TANC1: variants seen among roughly 807,000 people sequenced by gnomAD.
TANC1 encodes tetratricopeptide repeat, ankyrin repeat and coiled-coil containing 1.
In TANC1, 77 loss-of-function variants were observed where a neutral mutation model predicts 149.7. The observed-to-expected ratio is 0.51, with a 90% CI of 0.43 to 0.62. TANC1 has a LOEUF of 0.62. Among genes scored for constraint, TANC1 ranks in the 20% least tolerant of loss-of-function variants. The probability of loss-of-function intolerance (pLI) is 0.00; values close to 1 mark genes in which losing one functional copy is unlikely to be tolerated. For synonymous variants in TANC1, 854 were observed against 925.0 expected, an observed-to-expected ratio of 0.92 and a Z score of 1.39; for missense variants, 1,985 against 2,321.8, an observed-to-expected ratio of 0.85 and a Z score of 2.98.
chr2:159,037,774 G>A (rs2040315259), intron 2 of TANC1, among the ~76,000 whole-genome samples: 1 of 152,210 alleles, frequency 6.6e-6, no homozygotes, highest in African/African-American at 2.4e-5. Flanking sequence ...AGTATAGTTT[G>A]AAGTCGGGTA....
intron 16 of TANC1, among the ~76,000 whole-genome samples, chr2:159,192,124 A>T (rs894841970): frequency 6.6e-6 from 1 of 152,148 alleles, no homozygotes; most frequent in African/African-American, 2.4e-5. Flanking sequence ...ATCCAGGGAG[A>T]TTACTAAGTG....
At chr2:159,004,058 T>C (rs926188022) in intron 2 of TANC1, 2 of 1,612,154 alleles carry the variant, frequency 1.2e-6, no homozygotes, top group African/African-American at 2.7e-5. Context: ...ATTTCAACAA[T>C]CCCAAAGTCC....
intron 3 of TANC1, among the ~76,000 whole-genome samples, chr2:159,073,919 G>A (rs2043394556): frequency 6.6e-6 from 1 of 152,188 alleles, no homozygotes; most frequent in African/African-American, 2.4e-5. Flanking sequence ...TTTCGTGGCT[G>A]GTGATCCAAA....
intron 5 of TANC1, among the ~76,000 whole-genome samples, chr2:159,144,662 G>T (rs1483834447): frequency 6.6e-6 from 1 of 152,222 alleles, no homozygotes; most frequent in Non-Finnish European, 1.5e-5. Context: ...CTCCGAAAGT[G>T]CTGGGATTAC....
chr2:159,060,141 CTT>C (rs777367917), intron 2 of TANC1: 599 of 933,680 alleles, frequency 6.4e-4, no homozygotes, highest in Non-Finnish European at 6.9e-4. Flanking sequence ...GTTTTAAGAA[CTT>C]TTCAAGCTTC....
At chr2:159,226,691 A>G (rs909197555) in intron 24 of TANC1, 2 of 152,246 alleles carry the variant, frequency 1.3e-5, no homozygotes, top group African/African-American at 4.8e-5. Flanking sequence ...TTTTCCAAAT[A>G]AGACATCAGT....
intron 2 of TANC1, among the ~76,000 whole-genome samples, chr2:159,048,078 AGGCCCAGG>A (rs2041206179): frequency 6.6e-6 from 1 of 152,182 alleles, no homozygotes; most frequent in Non-Finnish European, 1.5e-5. Flanking sequence ...GCTTGTGTCC[AGGCCCAGG>A]GGCACAGGGC....
At position 158,968,647 on chromosome 2, in the gene TANC1, C is replaced by G. The variant is rs988021796; in HGVS notation, c.-261C>G. ...GGGACGGGCCGGAGCGGAGGCTTTG[C>G]TGTGGCAGCTGCTGGAGCGGCGGCC... On this transcript the variant is annotated 5_prime_UTR_variant, in exon 1 of 27. Transcript: ENST00000263635. 6.6e-6 allele frequency: 1 copy of G among 152,306 alleles called. No homozygotes were observed. Among genetic ancestry groups the G allele is most frequent in the Admixed American group, 6.5e-5 (1 of 15,278 alleles). 9.4% of individuals were successfully genotyped at this position (152,306 alleles called of 1,614,324 possible).
At chr2:159,188,422 G>T (rs2150634728) in intron 16 of TANC1, among the ~76,000 whole-genome samples, 1 of 152,334 alleles carries the variant, frequency 6.6e-6, no homozygotes, top group African/African-American at 2.4e-5. Flanking sequence ...CTGTGGCCAG[G>T]CCAGGATGGG....
chr2:159,219,191 G>T, intron 20 of TANC1, 47 bp from the exon 21 acceptor site: 1 of 1,611,836 alleles, frequency 6.2e-7, no homozygotes, highest in Non-Finnish European at 8.5e-7. Context: ...TAGCAGGTGT[G>T]GTGGAAAATG....
chr2:159,117,803 T>G (rs892296270), intron 4 of TANC1, among the ~76,000 whole-genome samples: 2 of 150,502 alleles, frequency 1.3e-5, no homozygotes, highest in African/African-American at 2.4e-5. Flanking sequence ...AGTTGTCAGG[T>G]CTTAGACTCT....
intron 2 of TANC1, among the ~76,000 whole-genome samples, chr2:159,006,973 C>T (rs34461409): frequency 0.21 from 32,230 of 151,976 alleles, 3,786 homozygotes; most frequent in South Asian, 0.45. Flanking sequence ...AAATATAGTT[C>T]TTACACAGGT....
At chr2:159,052,512 C>G (rs1262035920) in intron 2 of TANC1, among the ~76,000 whole-genome samples, 1 of 152,166 alleles carries the variant, frequency 6.6e-6, no homozygotes, top group Admixed American at 6.5e-5. Flanking sequence ...GCCCCTCGAT[C>G]TTGGACTTCC....
intron 7 of TANC1, among the ~76,000 whole-genome samples, chr2:159,156,613 G>T (rs1230961780): frequency 6.6e-6 from 1 of 152,196 alleles, no homozygotes. Flanking sequence ...TTACTGAGAA[G>T]AATTTAAGAC....
intron 2 of TANC1, among the ~76,000 whole-genome samples, chr2:159,048,254 G>C (rs976051447): frequency 6.6e-6 from 1 of 152,258 alleles, no homozygotes; most frequent in Middle Eastern, 3.4e-3. Flanking sequence ...ATTGGCTTTG[G>C]GGGGCAGTAA....
chr2:159,049,640 T>G (rs1408072512), intron 2 of TANC1, among the ~76,000 whole-genome samples: 1 of 151,660 alleles, frequency 6.6e-6, no homozygotes, highest in Non-Finnish European at 1.5e-5. Context: ...CTCCCCAGAG[T>G]GGTGGAAGCG....
intron 1 of TANC1, among the ~76,000 whole-genome samples, chr2:158,989,474 G>A (rs1238487626): frequency 2.0e-5 from 3 of 152,030 alleles, no homozygotes; most frequent in Non-Finnish European, 4.4e-5. Flanking sequence ...GCTGAACGTG[G>A]TGGCTCATGC....
chr2:159,160,638 G>A (rs1287932932), intron 7 of TANC1, among the ~76,000 whole-genome samples: 3 of 152,128 alleles, frequency 2.0e-5, no homozygotes, highest in Non-Finnish European at 4.4e-5. Flanking sequence ...AGAGTGTCTG[G>A]GCTTCCACCT....
At chr2:159,194,742 C>T (rs528040824) in intron 17 of TANC1, among the ~76,000 whole-genome samples, 2 of 152,298 alleles carry the variant, frequency 1.3e-5, no homozygotes, top group South Asian at 2.1e-4. Context: ...GGCTCCTAGC[C>T]GCATGAGGAG....
Sources: gnomAD v4.1 joint callset for allele counts (sites outside exome capture counted in the v4.1 genomes callset) on GRCh38, gnomAD v4.1.1 for gene constraint, MANE v1.5 for transcripts, NCBI Gene and HGNC (gene_info 2026-07-23, HGNC 2026-07-21) for gene names.